The following EVA1A variants were observed in gnomAD, a reference collection of about 807,000 sequenced individuals.
EVA1A encodes the protein protein eva-1 homolog A.
EVA1A carries 7 observed loss-of-function variants against 9.8 expected under a neutral mutation model. The observed-to-expected ratio is 0.71, with a 90% confidence interval of 0.41 to 1.34. EVA1A has a LOEUF of 1.34. Ranked by LOEUF, EVA1A falls within the 40% of genes most tolerant of loss-of-function variation. The pLI is 0.01. For missense variants in EVA1A, 206 were observed against 205.9 expected (o/e 1.00, Z 0.00); for synonymous variants, 90 against 85.6 (o/e 1.05, Z -0.28).
At chr2:75,501,198 C>T in intron 3 of EVA1A, among the ~76,000 whole-genome samples, 1 of 152,126 alleles carries the variant, frequency 6.6e-6, no homozygotes, top group Non-Finnish European at 1.5e-5. Flanking sequence ...TCCCTGACTC[C>T]TCTGCTGGAA....
At chr2:75,495,957 A>G (rs1194353932) in intron 3 of EVA1A, among the ~76,000 whole-genome samples, 1 of 152,206 alleles carries the variant, frequency 6.6e-6, no homozygotes, top group African/African-American at 2.4e-5. Context: ...TCCCTAGGCC[A>G]CATGACAAGG....
chr2:75,539,260 G>A (rs570172451), intron 1 of EVA1A, among the ~76,000 whole-genome samples: 195 of 152,278 alleles, frequency 1.3e-3, no homozygotes, highest in Non-Finnish European at 2.5e-3. Flanking sequence ...AAAACTATGA[G>A]AGTTTTCTTT....
At chr2:75,514,294 C>T (rs1674926185) in intron 3 of EVA1A, among the ~76,000 whole-genome samples, 1 of 151,712 alleles carries the variant, frequency 6.6e-6, no homozygotes, top group Admixed American at 6.6e-5. Flanking sequence ...TAGGTGATGC[C>T]CTAGATGGGT....
chr2:75,519,477 C>G (rs1395990399), intron 2 of EVA1A, among the ~76,000 whole-genome samples: 1 of 152,154 alleles, frequency 6.6e-6, no homozygotes, highest in African/African-American at 2.4e-5. Context: ...AAACACCAAC[C>G]AACTCACAGG....
chr2:75,533,555 A>G (rs1675756151), intron 1 of EVA1A, among the ~76,000 whole-genome samples: 1 of 152,192 alleles, frequency 6.6e-6, no homozygotes, highest in Non-Finnish European at 1.5e-5. Flanking sequence ...AAATATAGGT[A>G]AATACAATAG....
intron 3 of EVA1A, chr2:75,517,738 C>T (rs1675065349): frequency 1.4e-6 from 1 of 712,122 alleles, no homozygotes; most frequent in Admixed American, 2.0e-5. Context: ...GGTACTCCAT[C>T]AGCCCCCTCC....
At chr2:75,538,319 A>G (rs564832070) in intron 1 of EVA1A, among the ~76,000 whole-genome samples, 1 of 152,294 alleles carries the variant, frequency 6.6e-6, no homozygotes, top group East Asian at 1.9e-4. Flanking sequence ...AAAATAAAAT[A>G]AAACTAGTGA....
chr2:75,525,317 G>GT (rs1229920550), intron 1 of EVA1A, among the ~76,000 whole-genome samples: 1 of 152,012 alleles, frequency 6.6e-6, no homozygotes, highest in African/African-American at 2.4e-5. Flanking sequence ...CTCCACTGTG[G>GT]TTTCTTATCA....
chr2:75,550,582 G>A lies in EVA1A; in HGVS notation c.-192+10098C>T, dbSNP rs1676487540. Among the ~76,000 whole-genome samples, 3 of 152,212 alleles carry A rather than the reference G, an allele frequency of 2.0e-5. No homozygotes were observed. In the South Asian group the frequency reaches 6.2e-4, roughly 31 times the overall value. ...TGATATACTGAACGCACCTGAATTT[G>A]ACATGGTCTGGACTTAACAACAAGT... On this transcript the variant is annotated intron_variant, in intron 1 of 3. Transcript: ENST00000393913.
intron 3 of EVA1A, among the ~76,000 whole-genome samples, chr2:75,508,780 C>A (rs2103813649): frequency 6.6e-6 from 1 of 152,172 alleles, no homozygotes; most frequent in African/African-American, 2.4e-5. Flanking sequence ...TGATGTCTCC[C>A]CCGGATGCCC....
chr2:75,517,443 T>C (rs183220673), intron 3 of EVA1A, among the ~76,000 whole-genome samples: 3 of 152,326 alleles, frequency 2.0e-5, no homozygotes, highest in Admixed American at 2.0e-4. Context: ...TTCATGTATT[T>C]TTAAATGACT....
chr2:75,533,843 G>T (rs888717281), intron 1 of EVA1A, among the ~76,000 whole-genome samples: 10 of 151,114 alleles, frequency 6.6e-5, no homozygotes, highest in African/African-American at 2.2e-4. Context: ...CCGGAGTCTT[G>T]CTCTGTTGCC....
intron 1 of EVA1A, among the ~76,000 whole-genome samples, chr2:75,543,042 C>T (rs1303892792): frequency 4.6e-5 from 7 of 152,188 alleles, no homozygotes; most frequent in Non-Finnish European, 8.8e-5. Flanking sequence ...ATCATGGAGA[C>T]TGGCAGGAAA....
rs377556492 is a variant in EVA1A at position 75,557,495 on chromosome 2, G to A, written c.-192+3185C>T. ...CTTTGCATCTGATCAAGTATAATGTGGGACACTCAGCTGGTGGCATTTATT... is the reference window on the plus strand; with the variant it reads ...CTTTGCATCTGATCAAGTATAATGTAGGACACTCAGCTGGTGGCATTTATT... On this transcript the variant is annotated intron_variant, in intron 1 of 3. Transcript: ENST00000393913. Among the ~76,000 whole-genome samples the A allele has an allele frequency of 2.6e-5, 4 of 152,212 alleles. No individual in the cohort carries two copies. The East Asian group carries it at 7.7e-4, about 29-fold the overall frequency.
intron 1 of EVA1A, among the ~76,000 whole-genome samples, chr2:75,550,920 G>T (rs991951013): frequency 1.3e-5 from 2 of 152,108 alleles, no homozygotes; most frequent in Non-Finnish European, 2.9e-5. Context: ...TCAGGAGTTC[G>T]AGACCAGCCT....
At chr2:75,497,613 G>C (rs1674256959) in intron 3 of EVA1A, among the ~76,000 whole-genome samples, 1 of 152,022 alleles carries the variant, frequency 6.6e-6, no homozygotes, top group Non-Finnish European at 1.5e-5. Context: ...ACTTTGGGAG[G>C]CTGAGGCAGG....
At chr2:75,559,747 G>A (rs1263508063) in intron 1 of EVA1A, among the ~76,000 whole-genome samples, 2 of 147,150 alleles carry the variant, frequency 1.4e-5, no homozygotes, top group Non-Finnish European at 3.0e-5. Flanking sequence ...AGACTAAAAA[G>A]AAGAATCTTC....
intron 1 of EVA1A, among the ~76,000 whole-genome samples, chr2:75,532,524 G>A (rs893118026): frequency 2.6e-5 from 4 of 152,162 alleles, no homozygotes; most frequent in Non-Finnish European, 5.9e-5. Flanking sequence ...GGAGGAGGCA[G>A]ATGAAACAAT....
intron 3 of EVA1A, among the ~76,000 whole-genome samples, chr2:75,513,923 A>G (rs1275379619): frequency 6.6e-6 from 1 of 152,196 alleles, no homozygotes; most frequent in Non-Finnish European, 1.5e-5. Context: ...CATTTTTTGC[A>G]GTTGAAAACA....
Sources: allele counts gnomAD v4.1 joint callset (sites outside exome capture counted in the v4.1 genomes callset), GRCh38; gene constraint gnomAD v4.1.1; transcripts MANE v1.5; gene names NCBI Gene and HGNC (gene_info 2026-07-23, HGNC 2026-07-21).